The following IL22RA1 variants were observed in gnomAD, a reference collection of about 807,000 sequenced individuals.
IL22RA1 encodes interleukin-22 receptor subunit alpha-1.
In IL22RA1, 25 loss-of-function variants were observed where a neutral mutation model predicts 32.8. The ratio of observed to expected loss-of-function variants is 0.76; its 90% CI spans 0.55 to 1.06. IL22RA1 has a LOEUF of 1.06. IL22RA1 is among the 50% of genes least tolerant of loss of function. The pLI, the probability that IL22RA1 is intolerant of heterozygous loss-of-function variation, is 0.00. For missense variants in IL22RA1, 709 were observed against 727.4 expected (o/e 0.97, Z 0.29); for synonymous variants, 305 against 305.0 (o/e 1.00, Z 0.00).
intron 5 of IL22RA1, among the ~76,000 whole-genome samples, chr1:24,127,217 C>T (rs573451620): frequency 6.6e-6 from 1 of 152,034 alleles, no homozygotes; most frequent in South Asian, 2.1e-4. Context: ...CCACAAAAAA[C>T]CCAACTGTAT....
chr1:24,124,909 G>C (rs1221011218), intron 5 of IL22RA1, among the ~76,000 whole-genome samples: 1 of 152,148 alleles, frequency 6.6e-6, no homozygotes, highest in East Asian at 1.9e-4. Context: ...ACATGGAATG[G>C]TCTCTGGCTT....
intron 4 of IL22RA1, among the ~76,000 whole-genome samples, chr1:24,132,306 G>T (rs1343743240): frequency 2.0e-5 from 3 of 150,210 alleles, no homozygotes; most frequent in Non-Finnish European, 4.4e-5. Context: ...GATGCTGTTT[G>T]TTTGGGACCA....
At position 24,138,762 on chromosome 1, in the gene IL22RA1, C is replaced by T. The variant is rs751292505; in HGVS notation, c.44-48G>A. ...TGAGCAGGGGCTTTCCCAGGGTCAC[C>T]CTGCCCATGTATGGGCTCAGTCAGA... On this transcript the variant is annotated intron_variant, in intron 1 of 6. Coordinates refer to ENST00000270800, the MANE Select transcript of IL22RA1 (RefSeq NM_021258.4). 3.7e-6 allele frequency: 6 copies of T among 1,600,102 alleles called. No homozygotes were observed. In the South Asian group the frequency reaches 5.6e-5, roughly 15 times the overall value.
intron 1 of IL22RA1, among the ~76,000 whole-genome samples, chr1:24,141,413 G>C (rs922648231): frequency 1.3e-5 from 2 of 152,174 alleles, no homozygotes; most frequent in African/African-American, 4.8e-5. Context: ...ATCAAGGCTT[G>C]GGGTAGAGTC....
At chr1:24,123,817 A>G (rs769665725) in intron 5 of IL22RA1, among the ~76,000 whole-genome samples, 1 of 151,684 alleles carries the variant, frequency 6.6e-6, no homozygotes, top group Non-Finnish European at 1.5e-5. Flanking sequence ...GTTCCATCCC[A>G]CACTGCCAGG....
intron 3 of IL22RA1, 43 bp from the exon 4 acceptor site, chr1:24,134,429 T>A: frequency 7.0e-7 from 1 of 1,426,990 alleles, no homozygotes; most frequent in Non-Finnish European, 9.3e-7. Context: ...AAAGTCAGAA[T>A]CGGTGGGTAG....
chr1:24,123,544 C>T lies in IL22RA1; in HGVS notation c.671-121G>A, dbSNP rs1414656915. ...TCTGGCTGGGCTGGCAAGGCCTCTC[C>T]TACCGTCAGAATGCAAGATCACAAA... On this transcript the variant is annotated intron_variant, in intron 5 of 6. Coordinates refer to ENST00000270800, the MANE Select transcript of IL22RA1 (RefSeq NM_021258.4). The T allele has an allele frequency of 4.0e-6, 6 of 1,512,154 alleles. No individual in the cohort carries two copies. The African/African-American group carries it at 8.4e-5, about 21-fold the overall frequency. 93.7% of individuals were successfully genotyped at this position (1,512,154 alleles called of 1,614,324 possible).
rs34782294 is a variant in IL22RA1 at position 24,128,146 on chromosome 1, A to G, written c.665T>C (p.Leu222Pro). 400 of 1,533,968 alleles carry G rather than the reference A, an allele frequency of 2.6e-4. No individual in the cohort carries two copies. The African/African-American group carries it at 5.1e-3, about 19-fold the overall frequency. ...CTGGTTTCAGCCGAACTCACCTGGCAGTGTCTTCACTCGGCACATGTAGGG... is the reference window on the plus strand; with the variant it reads ...CTGGTTTCAGCCGAACTCACCTGGCGGTGTCTTCACTCGGCACATGTAGGG... Reference protein sequence around the residue: ...SAPYMCRVKTLPDRTWTYSFS... With the variant: ...SAPYMCRVKTPPDRTWTYSFS... The change falls in exon 5 of 7, where the codon CTG becomes CCG. Residue 222 changes from leucine (L) to proline (P), a missense_variant. Leu to Pro is a moderately conservative substitution (Grantham distance 98). Transcript: ENST00000270800.
In IL22RA1 at chr1:24,138,599, G is replaced by A. The variant is rs1034247179; in HGVS notation, c.159C>T (p.Tyr53=). 3.7e-6 allele frequency: 6 copies of A among 1,614,034 alleles called. No homozygotes were observed. The highest frequency in any genetic ancestry group is 1.3e-5 in the African/African-American group (1 of 74,932). The change falls in exon 2 of 7, where the codon TAC becomes TAT. Residue 53 remains tyrosine, a synonymous_variant. Coordinates refer to ENST00000270800, the MANE Select transcript of IL22RA1 (RefSeq NM_021258.4). ...AAGCCTACGTCTTATACTCGATGCT[G>A]TAGACCGTGTCTGGGGTGCCCTCCG... ...SGPEGTPDTV[Y]SIEYKTYGER...
chr1:24,131,230 A>G (rs1057176542), intron 4 of IL22RA1, among the ~76,000 whole-genome samples: 6 of 152,350 alleles, frequency 3.9e-5, no homozygotes, highest in Middle Eastern at 3.4e-3. Context: ...TTGAAGAAAG[A>G]TTGATAAGGG....
In IL22RA1 at chr1:24,134,323, T is replaced by C. The variant is rs750958828; in HGVS notation, c.419A>G (p.His140Arg). The C allele has an allele frequency of 1.9e-5, 30 of 1,604,572 alleles. No individual in the cohort carries two copies. The highest frequency in any genetic ancestry group is 2.6e-5 in the Non-Finnish European group (30 of 1,175,422). The change falls in exon 4 of 7, where the codon CAT becomes CGT. Residue 140 changes from histidine to arginine, a missense_variant. By Grantham distance (29) the His-to-Arg change is conservative (BLOSUM62 0). Transcript: ENST00000270800. ...SKVRSIQMIV[H>R]PTPTPIRAGD... ...TGCACGGATTGGCGTGGGGGTAGGA[T>C]GAACAATCATCTGAATCGATCTCAC...
intron 5 of IL22RA1, 56 bp from the exon 6 acceptor site, chr1:24,123,479 C>A (rs565771936): frequency 8.2e-6 from 13 of 1,585,328 alleles, no homozygotes; most frequent in East Asian, 2.3e-5. Flanking sequence ...TGCCTGGGCC[C>A]GGTTGGGTCT....
At chr1:24,141,940 G>C (rs1049818770) in intron 1 of IL22RA1, among the ~76,000 whole-genome samples, 2 of 152,304 alleles carry the variant, frequency 1.3e-5, no homozygotes, top group East Asian at 1.9e-4. Flanking sequence ...CTAAGATTGG[G>C]GGGGTGAGGG....
rs534103125 is a variant in IL22RA1, at chr1:24,121,825, T to C, written c.793-88A>G. The C allele has an allele frequency of 1.2e-3, 1,305 of 1,070,638 alleles. 2 individuals are homozygous for C. Among genetic ancestry groups the C allele is most frequent in the Non-Finnish European group, 1.6e-3 (1,220 of 785,462 alleles). The allele number at this position is 1,070,638 out of a possible 1,614,324, so 66.3% of individuals were successfully genotyped here. A position where few individuals can be genotyped will look rare whatever the true frequency, so the allele number is the denominator to read the frequency against. ...TGATGTGGGTGGGTGAGGTCCTCCA[T>C]AGGGAGGCATCTGGGGGCTTTTTCA... On this transcript the variant is annotated intron_variant, in intron 6 of 6. Coordinates refer to ENST00000270800, the MANE Select transcript of IL22RA1 (RefSeq NM_021258.4).
At chr1:24,123,280 C>T (rs767510928) in intron 6 of IL22RA1, 22 bp downstream of exon 6, 10 of 1,609,548 alleles carry the variant, frequency 6.2e-6, no homozygotes, top group Middle Eastern at 1.7e-4. Context: ...CCTCTCCCTC[C>T]CACCCTGGGG....
At chr1:24,132,827 C>T (rs1004048611) in intron 4 of IL22RA1, among the ~76,000 whole-genome samples, 1 of 151,290 alleles carries the variant, frequency 6.6e-6, no homozygotes, top group African/African-American at 2.4e-5. Context: ...ACAGTGAGGC[C>T]CCGTCTCTCT....
intron 4 of IL22RA1, among the ~76,000 whole-genome samples, chr1:24,130,671 T>C (rs547158507): frequency 6.6e-6 from 1 of 152,338 alleles, no homozygotes; most frequent in Non-Finnish European, 1.5e-5. Context: ...TAATAGTGAC[T>C]GACCCTGATG....
At chr1:24,140,449 G>A (rs928050057) in intron 1 of IL22RA1, among the ~76,000 whole-genome samples, 1 of 152,146 alleles carries the variant, frequency 6.6e-6, no homozygotes, top group African/African-American at 2.4e-5. Context: ...GGGCTTCAGG[G>A]ACCTGAGCAC....
At position 24,137,219 on chromosome 1, in the gene IL22RA1, C is replaced by T. The variant is rs142566825; in HGVS notation, c.267G>A (p.Thr89=). Residue 89 remains threonine, a synonymous_variant, in exon 3 of 7, where the codon ACG becomes ACA. Coordinates refer to ENST00000270800, the MANE Select transcript of IL22RA1 (RefSeq NM_021258.4). ...CNLTVETGNL[T]ELYYARVTAV... ...CGGTGACCCTGGCATAGTAGAGCTCCGTGAGGTTGCCCGTCTCCACCGTCA... is the reference window on the plus strand; with the variant it reads ...CGGTGACCCTGGCATAGTAGAGCTCTGTGAGGTTGCCCGTCTCCACCGTCA... The T allele has an allele frequency of 5.9e-5, 96 of 1,614,128 alleles. No homozygotes were observed. Among genetic ancestry groups the T allele is most frequent in the South Asian group, 2.3e-4 (21 of 91,078 alleles).
Sources: gnomAD v4.1 joint callset for allele counts (sites outside exome capture counted in the v4.1 genomes callset) on GRCh38, gnomAD v4.1.1 for gene constraint, MANE v1.5 for transcripts, NCBI Gene and HGNC (gene_info 2026-07-23, HGNC 2026-07-21) for gene names.